The following VWA3B variants were observed in gnomAD, a reference collection of about 807,000 sequenced individuals.
The protein encoded by VWA3B is von Willebrand factor A domain-containing protein 3B.
VWA3B carries 138 observed loss-of-function variants against 158.3 expected under a neutral mutation model. That is an observed-to-expected ratio of 0.87 (90% CI 0.76 to 1.00). The LOEUF (loss-of-function observed/expected upper bound fraction) is 1.00. Among genes scored for constraint, VWA3B ranks in the 50% least tolerant of loss-of-function variants. VWA3B has a pLI of 0.00. For missense variants in VWA3B, 1,555 were observed against 1,565.1 expected (o/e 0.99, Z 0.11); for synonymous variants, 596 against 587.3 (o/e 1.01, Z -0.21).
chr2:98,243,248 A>T (rs1002073537), intron 19 of VWA3B, among the ~76,000 whole-genome samples: 1 of 152,168 alleles, frequency 6.6e-6, no homozygotes, highest in Admixed American at 6.5e-5. Flanking sequence ...TTAAATGCTC[A>T]GCCTTTTAAT....
chr2:98,121,515 T>C, intron 5 of VWA3B, 57 bp downstream of exon 5: 1 of 1,587,810 alleles, frequency 6.3e-7, no homozygotes. Flanking sequence ...AGCTTAACTC[T>C]TCACACTCAG....
chr2:98,314,227 G>C (rs988644139), downstream of VWA3B, among the ~76,000 whole-genome samples: 1 of 152,234 alleles, frequency 6.6e-6, no homozygotes, highest in Non-Finnish European at 1.5e-5. Flanking sequence ...GAGTTTACCA[G>C]GGTCAGGGCT....
chr2:98,212,915 T>A (rs1267345226), intron 13 of VWA3B, among the ~76,000 whole-genome samples: 1 of 152,164 alleles, frequency 6.6e-6, no homozygotes, highest in Non-Finnish European at 1.5e-5. Context: ...TAAAGATGAG[T>A]AACAGCTCAT....
At chr2:98,181,855 T>G (rs1680612627) in intron 9 of VWA3B, among the ~76,000 whole-genome samples, 8 of 152,180 alleles carry the variant, frequency 5.3e-5, no homozygotes, top group Admixed American at 5.2e-4. Flanking sequence ...CTCAAGAATT[T>G]GCATCCATAA....
At chr2:98,308,130 TATAAA>T in intron 26 of VWA3B, among the ~76,000 whole-genome samples, 1 of 152,222 alleles carries the variant, frequency 6.6e-6, no homozygotes, top group South Asian at 2.1e-4. Context: ...AAGATTGGCT[TATAAA>T]ATATGTTATC....
intron 2 of VWA3B, among the ~76,000 whole-genome samples, chr2:98,098,911 A>G (rs1357733645): frequency 6.6e-6 from 1 of 152,118 alleles, no homozygotes; most frequent in Non-Finnish European, 1.5e-5. Context: ...GCTTACAAAA[A>G]CCATCTTATA....
At chr2:98,198,476 A>C (rs569709465) in intron 12 of VWA3B, among the ~76,000 whole-genome samples, 38 of 152,176 alleles carry the variant, frequency 2.5e-4, no homozygotes, top group African/African-American at 8.7e-4. Flanking sequence ...AGTTAGACTC[A>C]TTGGTTACAG....
At chr2:98,258,160 G>C (rs1687272997) in intron 21 of VWA3B, among the ~76,000 whole-genome samples, 1 of 151,786 alleles carries the variant, frequency 6.6e-6, no homozygotes, top group Non-Finnish European at 1.5e-5. Flanking sequence ...AAAATCATCT[G>C]ACCATAAATG....
chr2:98,122,962 G>A (rs775819186), intron 5 of VWA3B, among the ~76,000 whole-genome samples: 2 of 152,200 alleles, frequency 1.3e-5, no homozygotes, highest in Non-Finnish European at 2.9e-5. Flanking sequence ...TGCACAGACC[G>A]CTGTGCCCCT....
chr2:98,107,167 C>T (rs1455547293), intron 2 of VWA3B, among the ~76,000 whole-genome samples: 1 of 152,036 alleles, frequency 6.6e-6, no homozygotes. Flanking sequence ...TCCAGCCTTG[C>T]ATCCCTGGAG....
chr2:98,091,644 T>C (rs1319151798), intron 1 of VWA3B, among the ~76,000 whole-genome samples: 1 of 152,242 alleles, frequency 6.6e-6, no homozygotes, highest in Non-Finnish European at 1.5e-5. Context: ...AATAAGTGCT[T>C]GCTAATGATA....
chr2:98,319,876 T>TCACACACA, the VWA3B span, among the ~76,000 whole-genome samples: 486 of 147,432 alleles, frequency 3.3e-3, 6 homozygotes, highest in African/African-American at 0.011. Context: ...TGAGACTCCA[T>TCACACACA]CACACACACA....
chr2:98,248,642 A>G (rs747277143), intron 19 of VWA3B, among the ~76,000 whole-genome samples: 3 of 152,006 alleles, frequency 2.0e-5, no homozygotes, highest in Admixed American at 6.6e-5. Flanking sequence ...GTTTTTCAGA[A>G]CACTCCTAGT....
Position 98,260,747 on chromosome 2 carries a change from T to A in VWA3B, c.2843+4573T>A, listed in dbSNP as rs765200820. ...TGCATGTATGTTTCTAATTTTTATA[T>A]CTGCTTGATGATTTGAGACTTTTAG... On this transcript the variant is annotated intron_variant, in intron 21 of 27. Coordinates refer to ENST00000477737, the MANE Select transcript of VWA3B (RefSeq NM_144992.5). Among the ~76,000 whole-genome samples, 103 of 151,906 alleles carry A rather than the reference T, an allele frequency of 6.8e-4. 1 individual carries two copies. The highest frequency in any genetic ancestry group is 3.4e-3 in the Middle Eastern group (1 of 294).
At chr2:98,120,638 A>G (rs577867938) in intron 4 of VWA3B, among the ~76,000 whole-genome samples, 1 of 152,344 alleles carries the variant, frequency 6.6e-6, no homozygotes, top group African/African-American at 2.4e-5. Flanking sequence ...CATGGGGGCA[A>G]TCGGGCCAGT....
intron 7 of VWA3B, among the ~76,000 whole-genome samples, chr2:98,159,799 C>T (rs2105224432): frequency 6.6e-6 from 1 of 151,646 alleles, no homozygotes; most frequent in African/African-American, 2.4e-5. Context: ...GGTGGATCAC[C>T]TGAGGTCAGG....
chr2:98,105,615 C>G (rs1259146716), intron 2 of VWA3B, among the ~76,000 whole-genome samples: 1 of 152,032 alleles, frequency 6.6e-6, no homozygotes, highest in Non-Finnish European at 1.5e-5. Flanking sequence ...GTAATCCCAG[C>G]ACTTTGGGAG....
rs1265217661 is a variant in VWA3B, at chr2:98,119,775, T to C, written c.542+12T>C. 6.2e-6 allele frequency: 10 copies of C among 1,611,472 alleles called. No homozygotes were observed. In the African/African-American group the frequency reaches 6.7e-5, roughly 11 times the overall value. ...TTCAATATCATACGGTGAGTTCCCA[T>C]AGGAAGGGAGTATTTTAGTGAAAGT... On this transcript the variant is annotated intron_variant, in intron 4 of 27. Transcript: ENST00000477737.
chr2:98,278,960 G>A (rs1417508131), intron 22 of VWA3B, among the ~76,000 whole-genome samples: 1 of 152,182 alleles, frequency 6.6e-6, no homozygotes, highest in Non-Finnish European at 1.5e-5. Flanking sequence ...GAAGTGATGT[G>A]TGCACATTCA....
Sources: allele counts gnomAD v4.1 joint callset (sites outside exome capture counted in the v4.1 genomes callset), GRCh38; gene constraint gnomAD v4.1.1; transcripts MANE v1.5; gene names NCBI Gene and HGNC (gene_info 2026-07-23, HGNC 2026-07-21).